Variants in PCCA observed in about 807,000 individuals in gnomAD.
PCCA encodes the protein propionyl-CoA carboxylase alpha chain, mitochondrial.
In PCCA, 74 loss-of-function variants were observed where a neutral mutation model predicts 101.3. The observed-to-expected ratio is 0.73, with a 90% confidence interval of 0.61 to 0.89. The LOEUF is 0.89. PCCA is among the 40% of genes least tolerant of loss of function. The pLI is 0.00. For missense variants in PCCA, 891 were observed against 907.0 expected (o/e 0.98, Z 0.23); for synonymous variants, 294 against 313.6 (o/e 0.94, Z 0.66).
intron 12 of PCCA, among the ~76,000 whole-genome samples, chr13:100,291,049 A>C (rs2065077285): frequency 6.6e-6 from 1 of 152,270 alleles, no homozygotes; most frequent in Non-Finnish European, 1.5e-5. Context: ...ATAAAAGCAC[A>C]ATATAGTATA....
At position 100,103,767 on chromosome 13, in the gene PCCA, C is replaced by G. The variant is rs568307668; in HGVS notation, c.183+807C>G. ...TCTCCTGTCTCAGCCTCCTGAGTAG[C>G]TGGGATTACAGGTGCGCCCCACCAC... On this transcript the variant is annotated intron_variant, in intron 2 of 23. Coordinates refer to ENST00000376285, the MANE Select transcript of PCCA (RefSeq NM_000282.4). Among the ~76,000 whole-genome samples the G allele has an allele frequency of 2.6e-5, 4 of 152,098 alleles. No individual in the cohort carries two copies. The East Asian group carries it at 7.7e-4, about 29-fold the overall frequency.
At chr13:100,333,636 T>C (rs2069978562) in intron 17 of PCCA, among the ~76,000 whole-genome samples, 1 of 152,210 alleles carries the variant, frequency 6.6e-6, no homozygotes, top group African/African-American at 2.4e-5. Flanking sequence ...AGGAAGAAGA[T>C]ATTTTAAGAA....
chr13:100,380,244 C>T (rs1292765939), intron 19 of PCCA, among the ~76,000 whole-genome samples: 1 of 152,008 alleles, frequency 6.6e-6, no homozygotes, highest in Non-Finnish European at 1.5e-5. Flanking sequence ...TGCCTCTAGT[C>T]CCAGCTACCT....
At chr13:100,232,947 A>G (rs549096092) in intron 7 of PCCA, among the ~76,000 whole-genome samples, 3 of 152,242 alleles carry the variant, frequency 2.0e-5, no homozygotes, top group Non-Finnish European at 2.9e-5. Context: ...ATAAGAACAT[A>G]TAGATCAACT....
At chr13:100,442,595 G>C (rs1381278646) in intron 20 of PCCA, among the ~76,000 whole-genome samples, 2 of 152,206 alleles carry the variant, frequency 1.3e-5, no homozygotes, top group Admixed American at 6.5e-5. Context: ...GGAACGCCCA[G>C]TATGGCCTAG....
chr13:100,327,422 G>A (rs1414197106), intron 16 of PCCA, among the ~76,000 whole-genome samples: 1 of 152,126 alleles, frequency 6.6e-6, no homozygotes, highest in Non-Finnish European at 1.5e-5. Context: ...TGTGTATGTG[G>A]AATAGAATTC....
intron 4 of PCCA, among the ~76,000 whole-genome samples, chr13:100,124,233 G>A (rs2049723037): frequency 6.6e-6 from 1 of 152,126 alleles, no homozygotes. Context: ...AAATGATTCT[G>A]TATATCAACA....
At chr13:100,522,374 C>G (rs2087372379) in intron 22 of PCCA, among the ~76,000 whole-genome samples, 2 of 152,184 alleles carry the variant, frequency 1.3e-5, no homozygotes, top group Non-Finnish European at 2.9e-5. Context: ...AAATACCATC[C>G]ATCAGGAGCT....
intron 6 of PCCA, among the ~76,000 whole-genome samples, chr13:100,188,095 C>T (rs1290400342): frequency 6.6e-6 from 1 of 152,162 alleles, no homozygotes; most frequent in Non-Finnish European, 1.5e-5. Flanking sequence ...GAGATCGAGA[C>T]CACCCTGGCC....
At chr13:100,105,677 A>C (rs1159768170) in intron 2 of PCCA, among the ~76,000 whole-genome samples, 1 of 149,084 alleles carries the variant, frequency 6.7e-6, no homozygotes, top group Non-Finnish European at 1.5e-5. Flanking sequence ...AAAAAAAAAA[A>C]AACACCCCAC....
intron 18 of PCCA, among the ~76,000 whole-genome samples, chr13:100,354,074 AAATAATAATAATAATAAT>A (rs35218503): frequency 1.0e-3 from 130 of 129,142 alleles, no homozygotes; most frequent in Non-Finnish European, 1.7e-3. Flanking sequence ...CCATCTCTAC[AAATAATAATAATAATAAT>A]AATAATAATA....
At chr13:100,330,812 C>A in intron 17 of PCCA, 141 bp downstream of exon 17, 1 of 639,930 alleles carries the variant, frequency 1.6e-6, no homozygotes, top group Non-Finnish European at 2.8e-6. Flanking sequence ...AGACTGTTTA[C>A]ATTCATGATT....
At chr13:100,258,067 A>G (rs897291414) in intron 9 of PCCA, among the ~76,000 whole-genome samples, 7 of 152,236 alleles carry the variant, frequency 4.6e-5, no homozygotes, top group Non-Finnish European at 8.8e-5. Context: ...GACTTAATGT[A>G]TTACCTCAAT....
chr13:100,107,664 T>A (rs921142840), intron 2 of PCCA, among the ~76,000 whole-genome samples: 17 of 152,224 alleles, frequency 1.1e-4, no homozygotes, highest in Non-Finnish European at 2.9e-5. Flanking sequence ...ACTAGTGAAC[T>A]TTGTAAGTGA....
At chr13:100,289,805 TTA>T (rs1302017609) in intron 12 of PCCA, among the ~76,000 whole-genome samples, 7 of 152,324 alleles carry the variant, frequency 4.6e-5, no homozygotes, top group African/African-American at 1.4e-4. Flanking sequence ...TATTTTTAGT[TTA>T]TCTCTTCTTT....
chr13:100,428,504 G>C (rs1458277429), intron 20 of PCCA, among the ~76,000 whole-genome samples: 1 of 151,832 alleles, frequency 6.6e-6, no homozygotes, highest in Non-Finnish European at 1.5e-5. Flanking sequence ...GCAAAAACTT[G>C]GTCCGTGGCA....
chr13:100,519,565 T>C lies in PCCA; in HGVS notation c.2040+3998T>C, dbSNP rs530368227. 5.3e-5 allele frequency among the ~76,000 whole-genome samples: 8 copies of C among 152,348 alleles called. No individual in the cohort carries two copies. The South Asian group carries it at 1.7e-3, about 32-fold the overall frequency. On this transcript the variant is annotated intron_variant, in intron 22 of 23. Coordinates refer to ENST00000376285, the MANE Select transcript of PCCA (RefSeq NM_000282.4). Reference sequence around the variant, plus strand: ...CCTGATTTTGTTTCCTCCTTGCACGTGCTCCTTTGACAGGGCAGGCTCCCA... The same window carrying C: ...CCTGATTTTGTTTCCTCCTTGCACGCGCTCCTTTGACAGGGCAGGCTCCCA...
chr13:100,448,442 C>A (rs1326061071), intron 20 of PCCA, among the ~76,000 whole-genome samples: 1 of 152,188 alleles, frequency 6.6e-6, no homozygotes. Context: ...CCGCCTGCCT[C>A]AACCTCCCAG....
intron 20 of PCCA, among the ~76,000 whole-genome samples, chr13:100,448,105 T>C (rs977662083): frequency 6.6e-6 from 1 of 152,234 alleles, no homozygotes; most frequent in African/African-American, 2.4e-5. Context: ...GTGTAGTCTT[T>C]GAAGTCACTG....
Sources: gnomAD v4.1 joint callset for allele counts (sites outside exome capture counted in the v4.1 genomes callset) on GRCh38, gnomAD v4.1.1 for gene constraint, MANE v1.5 for transcripts, NCBI Gene and HGNC (gene_info 2026-07-23, HGNC 2026-07-21) for gene names.